THADA: variants seen among roughly 807,000 people sequenced by gnomAD.
The protein encoded by THADA is tRNA (32-2'-O)-methyltransferase regulator THADA.
A neutral mutation model predicts 219.8 loss-of-function variants in THADA; 213 were observed. The ratio of observed to expected loss-of-function variants is 0.97; its 90% confidence interval spans 0.87 to 1.09. The LOEUF is 1.09. Ranked by LOEUF, THADA falls within the 50% of genes least tolerant of loss-of-function variation. THADA has a pLI of 0.00. For synonymous variants in THADA, 1,018 were observed against 828.9 expected, an observed-to-expected ratio of 1.23 and a Z score of -3.92; for missense variants, 2,956 against 2,311.3, an observed-to-expected ratio of 1.28 and a Z score of -5.72.
intron 1 of THADA, among the ~76,000 whole-genome samples, chr2:43,594,033 A>C (rs572497306): frequency 6.6e-6 from 1 of 152,302 alleles, no homozygotes; most frequent in South Asian, 2.1e-4. Flanking sequence ...GGTCCCACTA[A>C]GGACTGGGCT....
intron 29 of THADA, among the ~76,000 whole-genome samples, chr2:43,385,392 G>C (rs1672529956): frequency 6.6e-6 from 1 of 152,034 alleles, no homozygotes; most frequent in Admixed American, 6.5e-5. Flanking sequence ...GGATCACGAG[G>C]TCAGGAGATC....
chr2:43,500,827 G>C (rs1688857692), intron 24 of THADA, among the ~76,000 whole-genome samples: 1 of 152,070 alleles, frequency 6.6e-6, no homozygotes, highest in Non-Finnish European at 1.5e-5. Context: ...AAATCCAAAA[G>C]AATTTACAGG....
chr2:43,571,929 T>C (rs1216294151), intron 12 of THADA, 67 bp from the exon 13 acceptor site: 3 of 1,519,620 alleles, frequency 2.0e-6, no homozygotes, highest in Non-Finnish European at 2.7e-6. Flanking sequence ...TCACTTGAAT[T>C]GCTTACTTAC....
chr2:43,278,540 G>C (rs1274664608), intron 36 of THADA, among the ~76,000 whole-genome samples: 1 of 152,208 alleles, frequency 6.6e-6, no homozygotes, highest in Non-Finnish European at 1.5e-5. Context: ...GGCAAGTCTG[G>C]CAGGTTGGGG....
intron 23 of THADA, among the ~76,000 whole-genome samples, chr2:43,506,485 T>C (rs1689683546): frequency 6.6e-6 from 1 of 152,190 alleles, no homozygotes; most frequent in Non-Finnish European, 1.5e-5. Context: ...AAAGATCGTA[T>C]ACTGTATGAT....
rs372058684 is a variant in THADA at position 43,517,179 on chromosome 2, T to A, written c.3375-8399A>T. ...TTTGTGACTGACTTGAATTGAATTG[T>A]GTCTCATTTGTTTTCGAGGTACCCC... On this transcript the variant is annotated intron_variant, in intron 22 of 37. Coordinates refer to ENST00000405975, the MANE Select transcript of THADA (RefSeq NM_022065.5). Among the ~76,000 whole-genome samples the A allele has an allele frequency of 4.6e-5, 7 of 152,160 alleles. No individual in the cohort carries two copies. The East Asian group carries it at 7.7e-4, about 17-fold the overall frequency.
intron 12 of THADA, 36 bp downstream of exon 12, chr2:43,572,778 C>T: frequency 1.3e-6 from 2 of 1,591,824 alleles, no homozygotes; most frequent in Non-Finnish European, 1.7e-6. Flanking sequence ...AAGGGATCTA[C>T]TGCATGTACA....
intron 31 of THADA, among the ~76,000 whole-genome samples, chr2:43,316,694 G>A (rs987114517): frequency 1.3e-5 from 2 of 152,188 alleles, no homozygotes; most frequent in East Asian, 1.9e-4. Context: ...TAGGGAGGCC[G>A]AGGCGGGTGG....
intron 22 of THADA, among the ~76,000 whole-genome samples, chr2:43,510,772 AC>A (rs1386604891): frequency 2.0e-5 from 3 of 151,744 alleles, no homozygotes; most frequent in Non-Finnish European, 2.9e-5. Flanking sequence ...GGAGTTCAAG[AC>A]CACCTTGGCC....
chr2:43,329,279 T>C (rs1679692399), intron 30 of THADA, among the ~76,000 whole-genome samples: 1 of 152,224 alleles, frequency 6.6e-6, no homozygotes, highest in Non-Finnish European at 1.5e-5. Flanking sequence ...TCAAATCTTA[T>C]ATAGAATGTT....
At chr2:43,288,886 G>C (rs776316184) in intron 34 of THADA, among the ~76,000 whole-genome samples, 1 of 152,100 alleles carries the variant, frequency 6.6e-6, no homozygotes, top group Non-Finnish European at 1.5e-5. Flanking sequence ...TCACCACCAC[G>C]GTCAATTTCA....
chr2:43,535,349 CT>C (rs1694431732), intron 21 of THADA, among the ~76,000 whole-genome samples: 1 of 151,542 alleles, frequency 6.6e-6, no homozygotes, highest in South Asian at 2.1e-4. Context: ...ATCCCACTTA[CT>C]TTTTGTTGTC....
At chr2:43,414,340 T>C (rs1254011522) in intron 28 of THADA, among the ~76,000 whole-genome samples, 2 of 152,248 alleles carry the variant, frequency 1.3e-5, no homozygotes, top group African/African-American at 4.8e-5. Flanking sequence ...AACTGGACTC[T>C]GGCCTTGATG....
At chr2:43,355,765 A>C (rs1668807498) in intron 29 of THADA, among the ~76,000 whole-genome samples, 1 of 152,232 alleles carries the variant, frequency 6.6e-6, no homozygotes, top group Non-Finnish European at 1.5e-5. Flanking sequence ...TTCCCACTGC[A>C]GACACAGTTA....
At chr2:43,476,689 T>C (rs1685590552) in intron 26 of THADA, among the ~76,000 whole-genome samples, 1 of 152,182 alleles carries the variant, frequency 6.6e-6, no homozygotes, top group Non-Finnish European at 1.5e-5. Context: ...CTGGTTACTA[T>C]GTTATGTCGT....
At chr2:43,513,736 T>C (rs1453986383) in intron 22 of THADA, among the ~76,000 whole-genome samples, 2 of 152,034 alleles carry the variant, frequency 1.3e-5, no homozygotes, top group African/African-American at 4.8e-5. Context: ...TGAGCCAAAA[T>C]TCAAAATATA....
chr2:43,293,325 T>C, intron 31 of THADA, 112 bp from the exon 32 acceptor site: 2 of 1,235,326 alleles, frequency 1.6e-6, no homozygotes, highest in East Asian at 2.4e-5. Context: ...ATGTCTCCCA[T>C]AAGCAGATTT....
intron 36 of THADA, among the ~76,000 whole-genome samples, chr2:43,234,772 G>T (rs146830877): frequency 1.8e-3 from 280 of 152,024 alleles, no homozygotes; most frequent in African/African-American, 6.4e-3. Context: ...TCCTGCCTTA[G>T]CCCCCAAGTA....
chr2:43,329,937 A>G (rs751774078), intron 30 of THADA, among the ~76,000 whole-genome samples: 1 of 152,134 alleles, frequency 6.6e-6, no homozygotes, highest in Non-Finnish European at 1.5e-5. Flanking sequence ...TAGCACTTTT[A>G]TGTTTACACT....
Sources: allele counts gnomAD v4.1 joint callset (sites outside exome capture counted in the v4.1 genomes callset), GRCh38; gene constraint gnomAD v4.1.1; transcripts MANE v1.5; gene names NCBI Gene and HGNC (gene_info 2026-07-23, HGNC 2026-07-21).